ZC3H3: variants seen among roughly 807,000 people sequenced by gnomAD.
ZC3H3 encodes the protein zinc finger CCCH domain-containing protein 3.
A neutral mutation model predicts 77.3 loss-of-function variants in ZC3H3; 36 were observed. The observed-to-expected ratio is 0.47, with a 90% CI of 0.36 to 0.61. The LOEUF (loss-of-function observed/expected upper bound fraction) is 0.61, where lower values mean the gene tolerates loss of function less well. Ranked by LOEUF, ZC3H3 falls within the 20% of genes least tolerant of loss-of-function variation. The probability of loss-of-function intolerance (pLI) is 0.00; values close to 1 mark genes in which losing one functional copy is unlikely to be tolerated. For missense variants in ZC3H3, 1,331 were observed against 1,312.2 expected, an observed-to-expected ratio of 1.01 and a Z score of -0.22; for synonymous variants, 626 against 555.2, an observed-to-expected ratio of 1.13 and a Z score of -1.79.
At chr8:143,540,339 ACCTT>A (rs1261708822) in intron 1 of ZC3H3, among the ~76,000 whole-genome samples, 1 of 151,978 alleles carries the variant, frequency 6.6e-6, no homozygotes, top group Non-Finnish European at 1.5e-5. Context: ...GCACAAGCAA[ACCTT>A]CCACCTCTGA....
At chr8:143,531,842 G>T (rs1269776228) in intron 3 of ZC3H3, among the ~76,000 whole-genome samples, 1 of 152,188 alleles carries the variant, frequency 6.6e-6, no homozygotes, top group Admixed American at 6.5e-5. Flanking sequence ...ATAGTGGCAG[G>T]GCTGACCTCT....
In ZC3H3 at chr8:143,438,028, G is replaced by A; in HGVS notation, c.*28C>T. 1.9e-6 allele frequency: 3 copies of A among 1,607,020 alleles called. No homozygotes were observed. Among genetic ancestry groups the A allele is most frequent in the Non-Finnish European group, 2.5e-6 (3 of 1,177,040 alleles). ...TTCCTCTCCAAGGATGAGGGTCTGAGGTAGGTGCAGGCCGGTCCCTGGGGT... is the reference window on the plus strand; with the variant it reads ...TTCCTCTCCAAGGATGAGGGTCTGAAGTAGGTGCAGGCCGGTCCCTGGGGT... On this transcript the variant is annotated 3_prime_UTR_variant, in exon 12 of 12. Coordinates refer to ENST00000262577, the MANE Select transcript of ZC3H3 (RefSeq NM_015117.3).
chr8:143,532,424 C>T (rs534038130), intron 3 of ZC3H3, among the ~76,000 whole-genome samples: 79 of 152,362 alleles, frequency 5.2e-4, no homozygotes, highest in African/African-American at 1.9e-3. Context: ...TGGGACACTG[C>T]CGTCTCCTTG....
Position 143,493,913 on chromosome 8 carries a change from A to G in ZC3H3, c.1715+13833T>C, listed in dbSNP as rs899993805. ...CGAAATGAATAGTAATAAGTCACTA[A>G]GCTCCCTGTCCTGTTTCATAAAATA... On this transcript the variant is annotated intron_variant, in intron 4 of 11. Coordinates refer to ENST00000262577, the MANE Select transcript of ZC3H3 (RefSeq NM_015117.3). This position sits in a 1 kb window ranked among gnomAD's most constrained non-coding sequence, Gnocchi z 4.8. 2.0e-5 allele frequency among the ~76,000 whole-genome samples: 3 copies of G among 152,258 alleles called. No homozygotes were observed. The highest frequency in any genetic ancestry group is 7.2e-5 in the African/African-American group (3 of 41,468).
chr8:143,514,116 G>T lies in ZC3H3; in HGVS notation c.1562-6217C>A, dbSNP rs143348247. 9.7e-3 allele frequency among the ~76,000 whole-genome samples: 1,476 copies of T among 152,286 alleles called. 22 individuals carry two copies. The highest frequency in any genetic ancestry group is 0.034 in the African/African-American group (1,398 of 41,546). On this transcript the variant is annotated intron_variant, in intron 3 of 11. Transcript: ENST00000262577. Reference sequence around the variant, plus strand: ...TGGCGAGGCCAAGGCTACACTGGGGGTGACATGGGCTCTGGCCTCCAAGAA... The same window carrying T: ...TGGCGAGGCCAAGGCTACACTGGGGTTGACATGGGCTCTGGCCTCCAAGAA...
intron 5 of ZC3H3, among the ~76,000 whole-genome samples, chr8:143,470,006 C>T (rs564404673): frequency 6.6e-6 from 1 of 152,232 alleles, no homozygotes; most frequent in South Asian, 2.1e-4. Flanking sequence ...AATAGCCAGA[C>T]CTGCCCCACT....
chr8:143,457,998 A>G (rs1050096525), intron 9 of ZC3H3, among the ~76,000 whole-genome samples: 1 of 152,260 alleles, frequency 6.6e-6, no homozygotes, highest in African/African-American at 2.4e-5. Context: ...AGACAGCCCA[A>G]TGAAATCGAA....
At chr8:143,455,563 G>C (rs1019921423) in intron 9 of ZC3H3, among the ~76,000 whole-genome samples, 1 of 152,042 alleles carries the variant, frequency 6.6e-6, no homozygotes, top group African/African-American at 2.4e-5. Context: ...CAGTAAGAAT[G>C]AATCTTCTAT....
intron 3 of ZC3H3, among the ~76,000 whole-genome samples, chr8:143,536,022 C>G (rs1007996819): frequency 2.6e-5 from 4 of 152,220 alleles, no homozygotes; most frequent in African/African-American, 9.6e-5. Context: ...AAGGGACACA[C>G]AGAAGAGGCC....
chr8:143,442,458 G>A (rs1333895935), intron 9 of ZC3H3, among the ~76,000 whole-genome samples: 5 of 149,822 alleles, frequency 3.3e-5, no homozygotes, highest in African/African-American at 1.2e-4. Flanking sequence ...CAGGGGCAGT[G>A]GCTGTGCCTG....
At chr8:143,527,709 C>T (rs1822464404) in intron 3 of ZC3H3, among the ~76,000 whole-genome samples, 1 of 152,184 alleles carries the variant, frequency 6.6e-6, no homozygotes, top group South Asian at 2.1e-4. Flanking sequence ...AATTGAACAG[C>T]CCAGCTGCAC....
At chr8:143,480,455 GCAGGCTGAGAGGGGCCTCACCC>G (rs1379492947) in intron 4 of ZC3H3, among the ~76,000 whole-genome samples, 2 of 152,234 alleles carry the variant, frequency 1.3e-5, no homozygotes, top group African/African-American at 4.8e-5. Flanking sequence ...TGTGGGCCGT[GCAGGCTGAGAGGGGCCTCACCC>G]CAGGCCACGT....
intron 4 of ZC3H3, among the ~76,000 whole-genome samples, chr8:143,480,746 C>T (rs906388155): frequency 2.0e-5 from 3 of 152,246 alleles, no homozygotes; most frequent in East Asian, 1.9e-4. Flanking sequence ...GCACTGCCTG[C>T]GGTGTCTCCG....
intron 4 of ZC3H3, among the ~76,000 whole-genome samples, chr8:143,496,966 T>C (rs1821368891): frequency 6.6e-6 from 1 of 152,226 alleles, no homozygotes; most frequent in African/African-American, 2.4e-5. Context: ...GAACTGTGCA[T>C]GGTCACAGAG....
chr8:143,449,240 C>T (rs916310594), intron 9 of ZC3H3, among the ~76,000 whole-genome samples: 1 of 152,236 alleles, frequency 6.6e-6, no homozygotes, highest in Non-Finnish European at 1.5e-5. Context: ...ATTTCTATAG[C>T]CTGCTTGAAT....
chr8:143,536,219 C>T, intron 3 of ZC3H3, 38 bp downstream of exon 3: 9 of 1,584,178 alleles, frequency 5.7e-6, no homozygotes, highest in Non-Finnish European at 6.8e-6. Context: ...ATCAGGCAGG[C>T]CCAGCCCCAG....
chr8:143,441,284 A>C (rs938265895), intron 9 of ZC3H3, among the ~76,000 whole-genome samples, 164 bp from the exon 10 acceptor site: 7 of 152,128 alleles, frequency 4.6e-5, no homozygotes, highest in Non-Finnish European at 1.0e-4. Context: ...TGAGGCCACC[A>C]GTCCAGAGAG....
At chr8:143,442,412 G>A (rs1819766842) in intron 9 of ZC3H3, among the ~76,000 whole-genome samples, 1 of 107,876 alleles carries the variant, frequency 9.3e-6, no homozygotes, top group Non-Finnish European at 2.0e-5. Flanking sequence ...GGGGGGGTGG[G>A]GGGGCGGGGG....
intron 3 of ZC3H3, among the ~76,000 whole-genome samples, chr8:143,521,159 A>G (rs903397325): frequency 6.6e-6 from 1 of 152,174 alleles, no homozygotes; most frequent in Non-Finnish European, 1.5e-5. Context: ...CCCCAGGGGC[A>G]GCCTGGCTCC....
Sources: gnomAD v4.1 joint callset for allele counts (sites outside exome capture counted in the v4.1 genomes callset) on GRCh38, gnomAD v4.1.1 for gene constraint, Gnocchi (gnomAD v3.1) non-coding constraint, MANE v1.5 for transcripts, NCBI Gene and HGNC (gene_info 2026-07-23, HGNC 2026-07-21) for gene names.